The following PYGM variants were observed in gnomAD, a reference collection of about 807,000 sequenced individuals.
PYGM encodes glycogen phosphorylase, muscle associated, also known as glycogen phosphorylase, muscle form.
A neutral mutation model predicts 99.3 loss-of-function variants in PYGM; 81 were observed. The observed-to-expected ratio is 0.82, with a 90% CI of 0.68 to 0.98. The LOEUF is 0.98. Ranked by LOEUF, PYGM falls within the 50% of genes least tolerant of loss-of-function variation. The pLI is 0.00. For missense variants in PYGM, 1,030 were observed against 1,158.1 expected, an observed-to-expected ratio of 0.89 and a Z score of 1.61; for synonymous variants, 436 against 451.5, an observed-to-expected ratio of 0.97 and a Z score of 0.44.
Position 64,755,259 on chromosome 11 carries a change from AG to A in PYGM, c.855+13del, listed in dbSNP as rs1470706658. ...GACTCAGGCTTCCAGCCCCCAGCCC[AG>A]GGGGTGACGCACATTATCATTGGGG... On this transcript the variant is annotated intron_variant, in intron 7 of 19. Transcript: ENST00000164139. The surrounding 1 kb of genome is among the most constrained non-coding windows in gnomAD (Gnocchi z 4.1). The A allele has an allele frequency of 1.9e-6, 3 of 1,612,416 alleles. No homozygotes were observed. Among genetic ancestry groups the A allele is most frequent in the East Asian group, 4.5e-5 (2 of 44,862 alleles).
intron 10 of PYGM, 77 bp from the exon 11 acceptor site, chr11:64,753,759 C>T (rs71581784): frequency 1.3e-6 from 2 of 1,541,472 alleles, no homozygotes; most frequent in Non-Finnish European, 1.8e-6. Flanking sequence ...ACCCCCAGAG[C>T]TCTGCCCAGT....
chr11:64,751,975 C>T lies in PYGM; in HGVS notation c.1717G>A (p.Glu573Lys), dbSNP rs752848974. The T allele has an allele frequency of 3.1e-6, 5 of 1,608,380 alleles. No individual in the cohort carries two copies. Among genetic ancestry groups the T allele is most frequent in the Non-Finnish European group, 4.2e-6 (5 of 1,176,792 alleles). Residue 573 changes from glutamate (E) to lysine (K), a missense_variant, in exon 14 of 20, where the codon GAA becomes AAA. Coordinates refer to ENST00000164139, the MANE Select transcript of PYGM (RefSeq NM_005609.4). Reference sequence around the variant, plus strand: ...CAGTTGAGGAGCTGTCGTTTATATTCGTGAATCCGCTTCACCTGGATGTCG... The same window carrying T: ...CAGTTGAGGAGCTGTCGTTTATATTTGTGAATCCGCTTCACCTGGATGTCG... ...LFDIQVKRIH[E>K]YKRQLLNCLH...
Position 64,759,889 on chromosome 11 carries a change from G to GC in PYGM, c.9dup (p.Pro4AlafsTer24). The GC allele has an allele frequency of 6.2e-7, 1 of 1,614,078 alleles. No homozygotes were observed. On this transcript the variant is annotated frameshift_variant, in exon 1 of 20. Transcript: ENST00000164139. LOFTEE classifies it high-confidence loss of function. ...TTTCTTTTCTCTTGGTCTGACAGGG[G>GC]CCGGGACATGGCTGCAGGAGGGCGG...
Position 64,753,886 on chromosome 11 carries a change from A to C in PYGM, c.1232T>G (p.Phe411Cys). 6.3e-7 allele frequency: 1 copy of C among 1,575,650 alleles called. No homozygotes were observed. Among genetic ancestry groups the C allele is most frequent in the Non-Finnish European group, 8.6e-7 (1 of 1,160,530 alleles). ...CCAAGCCTCCGGACTCACGTTGAGG[A>C]AGCGCTGGTTGATCTCGTAGATGAT... is the stretch of plus-strand genomic sequence containing the variant. Reference protein sequence around the residue: ...LQIIYEINQRFLNRVAAAFPG... With the variant: ...LQIIYEINQRCLNRVAAAFPG... The change falls in exon 10 of 20, where the codon TTC (phenylalanine) becomes TGC (cysteine). Residue 411 changes from phenylalanine (F) to cysteine (C), a missense_variant. Coordinates refer to ENST00000164139, the MANE Select transcript of PYGM (RefSeq NM_005609.4).
chr11:64,757,886 G>A lies in PYGM; in HGVS notation c.553C>T (p.Arg185Cys), dbSNP rs749507354. Residue 185 changes from arginine (R) to cysteine (C), a missense_variant, in exon 5 of 20, where the codon CGC becomes TGC. Coordinates refer to ENST00000164139, the MANE Select transcript of PYGM (RefSeq NM_005609.4). The stretch of plus-strand genomic sequence containing the variant: ...GCCTTCTCCCAGGGGTTGCCGTAGC[G>A]AAGCCAGTCATCGGCCTCCTCCATC... ...WQMEEADDWL[R>C]YGNPWEKARP... 28 of 1,613,974 alleles carry A rather than the reference G, an allele frequency of 1.7e-5. No individual in the cohort carries two copies. The highest frequency in any genetic ancestry group is 1.6e-4 in the Middle Eastern group (1 of 6,084).
At chr11:64,756,723 G>A (rs2058396660) in intron 5 of PYGM, among the ~76,000 whole-genome samples, 3 of 152,210 alleles carry the variant, frequency 2.0e-5, no homozygotes, top group Non-Finnish European at 4.4e-5. Context: ...AAAGTGCTGA[G>A]ATTACAGGTG....
At position 64,754,605 on chromosome 11, in the gene PYGM, T is replaced by C; in HGVS notation, c.999+88A>G. The C allele has an allele frequency of 6.5e-7, 1 of 1,528,850 alleles. No individual in the cohort carries two copies. The highest frequency in any genetic ancestry group is 8.9e-7 in the Non-Finnish European group (1 of 1,120,642). 94.7% of individuals were successfully genotyped at this position (1,528,850 alleles called of 1,614,324 possible). A position where few individuals can be genotyped will look rare whatever the true frequency, so the allele number is the denominator to read the frequency against. ...CACTCCCAGTCTCCACTCCCTTATCTATTACATGGGGCAGGCAGGCCGAGG... is the reference window on the plus strand; with the variant it reads ...CACTCCCAGTCTCCACTCCCTTATCCATTACATGGGGCAGGCAGGCCGAGG... On this transcript the variant is annotated intron_variant, in intron 8 of 19. Transcript: ENST00000164139. This position sits in a 1 kb window ranked among gnomAD's most constrained non-coding sequence, Gnocchi z 5.5.
In PYGM at chr11:64,754,255, T is replaced by C; in HGVS notation, c.1090A>G (p.Lys364Glu). Residue 364 changes from lysine (K) to glutamate (E), a missense_variant and splice_region_variant, in exon 9 of 20, where the codon AAG (lysine) becomes GAG (glutamate). By Grantham distance (56) the Lys-to-Glu change is moderately conservative. Coordinates refer to ENST00000164139, the MANE Select transcript of PYGM (RefSeq NM_005609.4). The surrounding 1 kb of genome is among the most constrained non-coding windows in gnomAD (Gnocchi z 5.5). ...GGCAGAGGGGCCCTGAAGCCCACCT[T>C]GTCCCAGTCCATCCGTTCCAGGTCC... Reference protein sequence around the residue: ...LVDLERMDWDKAWDVTVRTCA... With the variant: ...LVDLERMDWDEAWDVTVRTCA... 1 of 1,612,210 alleles carries C rather than the reference T, an allele frequency of 6.2e-7. No individual in the cohort carries two copies.
In PYGM at chr11:64,746,532, G is replaced by T; in HGVS notation, c.*127C>A. 7.5e-7 allele frequency: 1 copy of T among 1,336,134 alleles called. No individual in the cohort carries two copies. The highest frequency in any genetic ancestry group is 1.1e-6 in the Non-Finnish European group (1 of 948,780). 82.8% of individuals were successfully genotyped at this position (1,336,134 alleles called of 1,614,324 possible). A position where few individuals can be genotyped will look rare whatever the true frequency, so the allele number is the denominator to read the frequency against. ...TGGACACTGGGACATTGAGAGTGGG[G>T]AAAATGAGGGTTCCAGGAGGGGCTT... On this transcript the variant is annotated 3_prime_UTR_variant, in exon 20 of 20. Coordinates refer to ENST00000164139, the MANE Select transcript of PYGM (RefSeq NM_005609.4).
chr11:64,759,513 C>T (rs1046597923), intron 1 of PYGM, 143 bp downstream of exon 1: 4 of 1,387,016 alleles, frequency 2.9e-6, no homozygotes, highest in Non-Finnish European at 3.9e-6. Context: ...CTCAGATTGT[C>T]CCAGCACCCC....
chr11:64,754,411 G>A lies in PYGM; in HGVS notation c.1000-66C>T, dbSNP rs1592412278. On this transcript the variant is annotated intron_variant, in intron 8 of 19. Transcript: ENST00000164139. The surrounding 1 kb of genome is among the most constrained non-coding windows in gnomAD (Gnocchi z 5.5). Reference sequence around the variant, plus strand: ...TTCCATGCTATGGTCACTGCCCTATGCCATTTGGAGGCCCCCAGAGAGCCC... The same window carrying A: ...TTCCATGCTATGGTCACTGCCCTATACCATTTGGAGGCCCCCAGAGAGCCC... The A allele has an allele frequency of 2.9e-6, 4 of 1,369,102 alleles. No individual in the cohort carries two copies. In the East Asian group the frequency reaches 9.5e-5, roughly 33 times the overall value. 84.8% of individuals were successfully genotyped at this position (1,369,102 alleles called of 1,614,324 possible).
At chr11:64,749,249 A>C (rs1236572110) in intron 17 of PYGM, among the ~76,000 whole-genome samples, 1 of 152,060 alleles carries the variant, frequency 6.6e-6, no homozygotes, top group Non-Finnish European at 1.5e-5. Flanking sequence ...CAGGAGGCTG[A>C]GGCAGGAGAA....
At chr11:64,747,181 C>T in intron 18 of PYGM, 43 bp downstream of exon 18, 1 of 1,610,590 alleles carries the variant, frequency 6.2e-7, no homozygotes. Flanking sequence ...CCTCGATCTG[C>T]CCTGCGGCCC....
chr11:64,758,736 G>T, intron 1 of PYGM, 32 bp from the exon 2 acceptor site: 1 of 1,549,918 alleles, frequency 6.5e-7, no homozygotes, highest in South Asian at 1.1e-5. Context: ...CAGGGAATGG[G>T]GTCAGGGCCA....
At position 64,758,504 on chromosome 11, in the gene PYGM, G is replaced by A. The variant is rs1453865797; in HGVS notation, c.357C>T (p.Asp119=). 1 of 1,614,070 alleles carries A rather than the reference G, an allele frequency of 6.2e-7. No homozygotes were observed. Among genetic ancestry groups the A allele is most frequent in the Middle Eastern group, 1.7e-4 (1 of 6,060 alleles). The change falls in exon 3 of 20, where the codon GAC becomes GAT. Residue 119 remains aspartate (D), a synonymous_variant. Coordinates refer to ENST00000164139, the MANE Select transcript of PYGM (RefSeq NM_005609.4). The part of the protein sequence containing the change: ...CDEATYQLGL[D]MEELEEIEED... The stretch of plus-strand genomic sequence containing the variant: ...CCTCAATTTCCTCCAGCTCCTCCAT[G>A]TCCAGGCCCAGCTGGAGGAGTGAGG...
In PYGM at chr11:64,746,815, G is replaced by T. The variant is rs769601153; in HGVS notation, c.2380-7C>A. The T allele has an allele frequency of 1.2e-6, 2 of 1,614,152 alleles. No individual in the cohort carries two copies. The highest frequency in any genetic ancestry group is 2.2e-5 in the South Asian group (2 of 91,084). On this transcript the variant is annotated splice_polypyrimidine_tract_variant and splice_region_variant and intron_variant, in intron 19 of 19. Transcript: ENST00000164139. ...GCGTCCACTCTCTTGGGTTCTGCAG[G>T]TCAAAGGGAAGCTCTGGTTCACTCT...
intron 1 of PYGM, among the ~76,000 whole-genome samples, 198 bp downstream of exon 1, chr11:64,759,457 AC>A (rs1368648073): frequency 6.6e-6 from 1 of 151,910 alleles, no homozygotes; most frequent in African/African-American, 2.4e-5. Flanking sequence ...CAGCCAGCCC[AC>A]CTGCTCTGAG....
At chr11:64,749,641 C>CA (rs1194213508) in intron 17 of PYGM, among the ~76,000 whole-genome samples, 150 of 137,834 alleles carry the variant, frequency 1.1e-3, no homozygotes, top group African/African-American at 2.7e-3. Context: ...GACTCCGTCT[C>CA]AAAAAAAAAA....
At chr11:64,751,100 C>T (rs1034766253) in intron 16 of PYGM, 1 of 562,868 alleles carries the variant, frequency 1.8e-6, no homozygotes, top group Non-Finnish European at 3.2e-6. Flanking sequence ...CCATGTTGGC[C>T]AGGCTGGTCT....
Sources: gnomAD v4.1 joint callset for allele counts (sites outside exome capture counted in the v4.1 genomes callset) on GRCh38, gnomAD v4.1.1 for gene constraint, Gnocchi (gnomAD v3.1) non-coding constraint, MANE v1.5 for transcripts, NCBI Gene and HGNC (gene_info 2026-07-23, HGNC 2026-07-21) for gene names.